TEC: variants seen among roughly 807,000 people sequenced by gnomAD.
TEC encodes tec protein tyrosine kinase.
TEC carries 72 observed loss-of-function variants against 93.0 expected under a neutral mutation model. That is an observed-to-expected ratio of 0.77 (90% CI 0.64 to 0.94). TEC has a LOEUF of 0.94. TEC is among the 40% of genes least tolerant of loss of function. The pLI is 0.00. For missense variants in TEC, 630 were observed against 757.9 expected (o/e 0.83, Z 1.98); for synonymous variants, 249 against 247.7 (o/e 1.01, Z -0.05).
intron 2 of TEC, among the ~76,000 whole-genome samples, chr4:48,184,607 C>A (rs73814683): frequency 6.6e-6 from 1 of 152,144 alleles, no homozygotes; most frequent in Non-Finnish European, 1.5e-5. Flanking sequence ...TATTGCTATC[C>A]TATCATTAGG....
At chr4:48,248,491 C>T (rs971191918) in intron 1 of TEC, among the ~76,000 whole-genome samples, 2 of 152,150 alleles carry the variant, frequency 1.3e-5, no homozygotes, top group Admixed American at 1.3e-4. Flanking sequence ...AAAAGCAAGT[C>T]ACAAGCCCAG....
At chr4:48,251,905 AC>A (rs1724213695) in intron 1 of TEC, among the ~76,000 whole-genome samples, 1 of 152,220 alleles carries the variant, frequency 6.6e-6, no homozygotes, top group African/African-American at 2.4e-5. Flanking sequence ...GATGAATGCT[AC>A]CTGACATAGA....
At chr4:48,177,756 G>A (rs1210896710) in intron 2 of TEC, among the ~76,000 whole-genome samples, 2 of 152,218 alleles carry the variant, frequency 1.3e-5, no homozygotes, top group South Asian at 2.1e-4. Context: ...GACCTAGTGG[G>A]AGGTGATTGG....
At chr4:48,144,277 C>CACT (rs756353878) in intron 14 of TEC, among the ~76,000 whole-genome samples, 34 of 152,254 alleles carry the variant, frequency 2.2e-4, no homozygotes, top group Middle Eastern at 6.8e-3. Context: ...CATGCTTTAT[C>CACT]ACTAGAAAGC....
intron 2 of TEC, among the ~76,000 whole-genome samples, chr4:48,215,241 T>G (rs1423822970): frequency 4.6e-5 from 7 of 152,244 alleles, no homozygotes; most frequent in Non-Finnish European, 8.8e-5. Flanking sequence ...GCGCAGTGGC[T>G]CACGCCTGTA....
At chr4:48,160,737 A>AAAAGAAAGAAAGAAAGAAAG (rs200782202) in intron 8 of TEC, among the ~76,000 whole-genome samples, 9 of 131,416 alleles carry the variant, frequency 6.8e-5, no homozygotes, top group African/African-American at 1.7e-4. Context: ...CAGAAAAAAA[A>AAAAGAAAGAAAGAAAGAAAG]AAAGAAAGAA....
At chr4:48,189,774 A>G (rs940259841) in intron 2 of TEC, among the ~76,000 whole-genome samples, 3 of 152,244 alleles carry the variant, frequency 2.0e-5, no homozygotes, top group Admixed American at 2.0e-4. Context: ...AATAATAGGT[A>G]AGATTTATAA....
chr4:48,224,034 T>C (rs569623706), intron 2 of TEC, among the ~76,000 whole-genome samples: 3 of 152,354 alleles, frequency 2.0e-5, no homozygotes, highest in African/African-American at 7.2e-5. Flanking sequence ...CTTTTCCCTT[T>C]ACTGATTTTG....
intron 2 of TEC, among the ~76,000 whole-genome samples, chr4:48,207,313 A>C (rs1339404275): frequency 6.6e-6 from 1 of 152,226 alleles, no homozygotes; most frequent in African/African-American, 2.4e-5. Context: ...TCTGGCAGGC[A>C]TCAGGTGCTT....
At position 48,170,395 on chromosome 4, in the gene TEC, GTAAT is replaced by G. The variant is rs1187997373; in HGVS notation, c.326-23_326-20del. ...TTTATTTCTGTAATTCACAGATATA[GTAAT>G]TAATAGTGAAATACAAAAGCAACTA... On this transcript the variant is annotated intron_variant, in intron 4 of 17. Coordinates refer to ENST00000381501, the MANE Select transcript of TEC (RefSeq NM_003215.3). 2.3e-6 allele frequency: 3 copies of G among 1,285,686 alleles called. No homozygotes were observed. Among genetic ancestry groups the G allele is most frequent in the Non-Finnish European group, 3.3e-6 (3 of 909,632 alleles). The allele number at this position is 1,285,686 out of a possible 1,614,324, so 79.6% of individuals were successfully genotyped here.
In TEC at chr4:48,194,093, A is replaced by G. The variant is rs184467929; in HGVS notation, c.139-17907T>C. Among the ~76,000 whole-genome samples, 10 of 152,314 alleles carry G rather than the reference A, an allele frequency of 6.6e-5. No individual in the cohort carries two copies. The East Asian group carries it at 1.9e-3, about 29-fold the overall frequency. On this transcript the variant is annotated intron_variant, in intron 2 of 17. Coordinates refer to ENST00000381501, the MANE Select transcript of TEC (RefSeq NM_003215.3). The stretch of plus-strand genomic sequence containing the variant: ...CCATGACCAATGGATTGATGAAGTG[A>G]TAACCCAGAGCAATGACAGCCCTGA...
At chr4:48,223,578 T>A (rs1723336605) in intron 2 of TEC, among the ~76,000 whole-genome samples, 1 of 152,238 alleles carries the variant, frequency 6.6e-6, no homozygotes, top group Admixed American at 6.5e-5. Context: ...ATAATGCATG[T>A]AAAGTACTTA....
intron 1 of TEC, among the ~76,000 whole-genome samples, chr4:48,261,629 T>C (rs1313333955): frequency 2.0e-5 from 3 of 152,278 alleles, no homozygotes; most frequent in Non-Finnish European, 4.4e-5. Context: ...AGGTTTTTCC[T>C]ACTAAATCAC....
chr4:48,228,384 C>A, intron 2 of TEC, 93 bp downstream of exon 2: 1 of 1,356,822 alleles, frequency 7.4e-7, no homozygotes, highest in Non-Finnish European at 9.7e-7. Context: ...TTCATTAACC[C>A]AAAGCATTTT....
At chr4:48,198,876 C>G (rs1722394422) in intron 2 of TEC, among the ~76,000 whole-genome samples, 1 of 152,208 alleles carries the variant, frequency 6.6e-6, no homozygotes, top group Non-Finnish European at 1.5e-5. Flanking sequence ...TTGATTTTCA[C>G]TGTGCAAAAT....
At chr4:48,171,626 T>C (rs1721116619) in intron 3 of TEC, among the ~76,000 whole-genome samples, 177 bp from the exon 4 acceptor site, 1 of 152,212 alleles carries the variant, frequency 6.6e-6, no homozygotes, top group Non-Finnish European at 1.5e-5. Flanking sequence ...TACTTCTTCA[T>C]TTCTACATTA....
Position 48,156,695 on chromosome 4 carries a change from T to A in TEC, c.777A>T (p.Gln259His). The change falls in exon 9 of 18, where the codon CAA becomes CAT. Residue 259 changes from glutamine (Q) to histidine (H), a missense_variant. Gln to His is a conservative substitution (Grantham distance 24, BLOSUM62 0). Transcript: ENST00000381501. ...AAACACTTACTTCACTGCGGAGGAG[T>A]TGCTCTGCCTTGCTTCTATTCATAT... is the stretch of plus-strand genomic sequence containing the variant. ...CRNMNRSKAEQLLRSEDKEGG... is the reference protein window; with the variant it reads ...CRNMNRSKAEHLLRSEDKEGG... 6.2e-7 allele frequency: 1 copy of A among 1,611,636 alleles called. No homozygotes were observed. Among genetic ancestry groups the A allele is most frequent in the Non-Finnish European group, 8.5e-7 (1 of 1,179,246 alleles).
chr4:48,208,211 A>G (rs1239115720), intron 2 of TEC, among the ~76,000 whole-genome samples: 1 of 152,184 alleles, frequency 6.6e-6, no homozygotes, highest in Non-Finnish European at 1.5e-5. Context: ...CCATCTGAGA[A>G]TCATAATATT....
intron 2 of TEC, among the ~76,000 whole-genome samples, chr4:48,202,601 T>C (rs1010253043): frequency 1.3e-5 from 2 of 152,090 alleles, no homozygotes; most frequent in African/African-American, 4.8e-5. Context: ...ACAATGGCAA[T>C]ATTACTAACT....
Sources: allele counts gnomAD v4.1 joint callset (sites outside exome capture counted in the v4.1 genomes callset), GRCh38; gene constraint gnomAD v4.1.1; transcripts MANE v1.5; gene names NCBI Gene and HGNC (gene_info 2026-07-23, HGNC 2026-07-21).